Variants in BEAN1 observed in about 807,000 individuals in gnomAD.
BEAN1 encodes the protein brain expressed associated with NEDD4 1.
BEAN1 carries 17 observed loss-of-function variants against 17.7 expected under a neutral mutation model. The observed-to-expected ratio is 0.96, with a 90% CI of 0.66 to 1.44. BEAN1 has a LOEUF of 1.44. BEAN1 is among the 40% of genes most tolerant of loss of function. The pLI, the probability that BEAN1 is intolerant of heterozygous loss-of-function variation, is 0.00. For synonymous variants in BEAN1, 142 were observed against 151.8 expected, an observed-to-expected ratio of 0.94 and a Z score of 0.47; for missense variants, 359 against 374.1, an observed-to-expected ratio of 0.96 and a Z score of 0.33.
chr16:66,480,779 A>G lies in BEAN1; in HGVS notation c.634A>G (p.Thr212Ala). ...QGGLHTVSMD[T>A]LPPYEAVCGA... ...TGGCCTTCACACGGTCTCCATGGACACCCTTCCCCCCTACGAGGCTGTGTG... is the reference window on the plus strand; with the variant it reads ...TGGCCTTCACACGGTCTCCATGGACGCCCTTCCCCCCTACGAGGCTGTGTG... Residue 212 changes from threonine to alanine, a missense_variant, in exon 5 of 5, where the codon ACC becomes GCC. Transcript: ENST00000536005. The G allele has an allele frequency of 6.4e-7, 1 of 1,550,702 alleles. No homozygotes were observed. The highest frequency in any genetic ancestry group is 8.7e-7 in the Non-Finnish European group (1 of 1,146,648).
In BEAN1 at chr16:66,477,618, C is replaced by T; in HGVS notation, c.348C>T (p.Ser116=). Residue 116 remains serine (S), a synonymous_variant, in exon 4 of 5, where the codon TCC becomes TCT. Coordinates refer to ENST00000536005, the MANE Select transcript of BEAN1 (RefSeq NM_001178020.3). ...GCAGGATGCGCTATGCCTGCAGCTC[C>T]TCAGAGGACTGGCCCCCACCCTTGG... ...SSRRMRYACS[S]SEDWPPPLDI... is the part of the protein sequence containing the mutation. 5 of 1,551,310 alleles carry T rather than the reference C, an allele frequency of 3.2e-6. No homozygotes were observed. The highest frequency in any genetic ancestry group is 4.4e-6 in the Non-Finnish European group (5 of 1,146,854).
At chr16:66,482,850 CCTTTTTTTCTTTT>C (rs1256770309), downstream of BEAN1, 2 of 455,702 alleles carry the variant, frequency 4.4e-6, no homozygotes, top group Non-Finnish European at 8.8e-6. Flanking sequence ...GCATAAGGTT[CCTTTTTTTCTTTT>C]CTTTTTTTCT....
At chr16:66,495,116 G>C (rs113873799), downstream of BEAN1, among the ~76,000 whole-genome samples, 10 of 152,270 alleles carry the variant, frequency 6.6e-5, no homozygotes, top group East Asian at 1.9e-4. Flanking sequence ...AAGACCAAGG[G>C]GGGGCCTCAG....
chr16:66,482,664 G>A lies in BEAN1; in HGVS notation c.*1739G>A, dbSNP rs1346908809. 2.7e-6 allele frequency: 1 copy of A among 363,888 alleles called. No homozygotes were observed. The highest frequency in any genetic ancestry group is 7.3e-5 in the East Asian group (1 of 13,784). 22.5% of individuals were successfully genotyped at this position (363,888 alleles called of 1,614,324 possible). Reference sequence around the variant, plus strand: ...TGCTTCTGCAATTCCAGAGAGTGCTGGGGGAAAAAAAGGGATAAAAATTCC... The same window carrying A: ...TGCTTCTGCAATTCCAGAGAGTGCTAGGGGAAAAAAAGGGATAAAAATTCC... On this transcript the variant is annotated 3_prime_UTR_variant, in exon 5 of 5. Transcript: ENST00000536005.
At chr16:66,435,959 G>A (rs1961998522) in intron 1 of BEAN1, among the ~76,000 whole-genome samples, 1 of 152,050 alleles carries the variant, frequency 6.6e-6, no homozygotes, top group Admixed American at 6.6e-5. Context: ...AGCAGGGATG[G>A]CAAGCCTCAA....
downstream of BEAN1, chr16:66,484,587 G>A (rs201364908): frequency 1.5e-4 from 68 of 454,162 alleles, no homozygotes; most frequent in South Asian, 9.5e-4. The surrounding 1 kb of genome is among the most constrained non-coding windows in gnomAD (Gnocchi z 4.2). Context: ...ATCACAGGAC[G>A]ATGGAGACAG....
At chr16:66,433,326 G>A (rs1961878839) in intron 1 of BEAN1, among the ~76,000 whole-genome samples, 1 of 152,102 alleles carries the variant, frequency 6.6e-6, no homozygotes, top group African/African-American at 2.4e-5. Flanking sequence ...GGCCAGGCTG[G>A]TCTCCTAACT....
At chr16:66,492,737 A>G (rs911402452) in intron 4 of BEAN1, among the ~76,000 whole-genome samples, 1 of 152,164 alleles carries the variant, frequency 6.6e-6, no homozygotes, top group Admixed American at 6.5e-5. Flanking sequence ...CACCACACCC[A>G]GCCACTTTCT....
chr16:66,443,866 G>A lies in BEAN1; in HGVS notation c.25+6165G>A, dbSNP rs573909052. ...ATTTTTCGTATTTTTAGTAGAGATG[G>A]GGTTTCACCATGTTGACCAGGCTGG... On this transcript the variant is annotated intron_variant, in intron 2 of 4. Transcript: ENST00000536005. Among the ~76,000 whole-genome samples, 165 of 152,130 alleles carry A rather than the reference G, an allele frequency of 1.1e-3. 1 individual carries two copies. Among genetic ancestry groups the A allele is most frequent in the African/African-American group, 3.8e-3 (157 of 41,510 alleles).
chr16:66,482,569 T>C lies in BEAN1; in HGVS notation c.*1644T>C, dbSNP rs566819815. 3.3e-6 allele frequency: 1 copy of C among 300,596 alleles called. No individual in the cohort carries two copies. Among genetic ancestry groups the C allele is most frequent in the South Asian group, 2.7e-5 (1 of 37,146 alleles). The allele number at this position is 300,596 out of a possible 1,614,324, so 18.6% of individuals were successfully genotyped here. On this transcript the variant is annotated 3_prime_UTR_variant, in exon 5 of 5. Transcript: ENST00000536005. ...GGTGTACTGTTTTCTAGGCAAAAAA[T>C]ATCTGTCTGTTGTACTGTATAGCCT... is the stretch of plus-strand genomic sequence containing the variant.
chr16:66,477,182 G>A (rs1963781523), intron 3 of BEAN1, among the ~76,000 whole-genome samples: 1 of 152,128 alleles, frequency 6.6e-6, no homozygotes, highest in East Asian at 1.9e-4. Context: ...AGCTGTAGCA[G>A]CCCCTCCTCC....
intron 2 of BEAN1, among the ~76,000 whole-genome samples, chr16:66,459,186 C>A (rs1236210112): frequency 1.3e-5 from 2 of 152,232 alleles, no homozygotes; most frequent in Non-Finnish European, 2.9e-5. Context: ...CTTGCAGCAG[C>A]CTCCTCCCTG....
At chr16:66,443,800 G>A (rs1368805963) in intron 2 of BEAN1, among the ~76,000 whole-genome samples, 5 of 151,910 alleles carry the variant, frequency 3.3e-5, no homozygotes, top group African/African-American at 4.8e-5. Context: ...TCAGCCTCCC[G>A]AGCAGCTGGG....
intron 1 of BEAN1, among the ~76,000 whole-genome samples, chr16:66,432,740 G>C (rs1252494811): frequency 2.6e-5 from 4 of 152,146 alleles, no homozygotes; most frequent in Non-Finnish European, 4.4e-5. Flanking sequence ...CTCTCTATCA[G>C]ATCCATCTGT....
At chr16:66,472,856 C>CA (rs965350027) in intron 3 of BEAN1, among the ~76,000 whole-genome samples, 50 of 151,550 alleles carry the variant, frequency 3.3e-4, no homozygotes, top group African/African-American at 9.4e-4. Flanking sequence ...CCCATCTCTA[C>CA]AAAAAAAATG....
chr16:66,439,489 G>A (rs916516873), intron 2 of BEAN1, among the ~76,000 whole-genome samples: 8 of 152,196 alleles, frequency 5.3e-5, no homozygotes, highest in Middle Eastern at 3.2e-3. Flanking sequence ...TGCTGAGTGC[G>A]GAGGGCTTTC....
Position 66,481,263 on chromosome 16 carries a change from G to C in BEAN1, c.*338G>C. 1 of 399,564 alleles carries C rather than the reference G, an allele frequency of 2.5e-6. No homozygotes were observed. The allele number at this position is 399,564 out of a possible 1,614,324, so 24.8% of individuals were successfully genotyped here. A position where few individuals can be genotyped will look rare whatever the true frequency, so the allele number is the denominator to read the frequency against. ...TAGAGAGCGCTTCGGAGAGAGAGGC[G>C]AAGTAGGAAGTGGGATTTTCTCTTC... On this transcript the variant is annotated 3_prime_UTR_variant, in exon 5 of 5. Transcript: ENST00000536005. The surrounding 1 kb of genome is among the most constrained non-coding windows in gnomAD (Gnocchi z 4.1).
At chr16:66,478,038 C>T (rs1963828037) in intron 4 of BEAN1, 4 of 213,048 alleles carry the variant, frequency 1.9e-5, no homozygotes, top group Non-Finnish European at 2.8e-5. Context: ...GGATCTGCTC[C>T]TCCGGGTGTC....
At chr16:66,493,235 A>C in exon 5 of BEAN1, 1 of 703,000 alleles carries the variant, frequency 1.4e-6, no homozygotes, top group South Asian at 1.5e-5. Context: ...CTCAGAGAAA[A>C]GGCTGGTGAA....
Sources: gnomAD v4.1 joint callset for allele counts (sites outside exome capture counted in the v4.1 genomes callset) on GRCh38, gnomAD v4.1.1 for gene constraint, Gnocchi (gnomAD v3.1) non-coding constraint, MANE v1.5 for transcripts, NCBI Gene and HGNC (gene_info 2026-07-23, HGNC 2026-07-21) for gene names.